The following IK variants were observed in gnomAD, a reference collection of about 807,000 sequenced individuals.
IK encodes the protein protein Red.
A neutral mutation model predicts 90.9 loss-of-function variants in IK; 47 were observed. The ratio of observed to expected loss-of-function variants is 0.52; its 90% CI spans 0.41 to 0.66. The LOEUF (loss-of-function observed/expected upper bound fraction) is 0.66, where lower values mean the gene tolerates loss of function less well. Among genes scored for constraint, IK ranks in the 30% least tolerant of loss-of-function variants. The probability of loss-of-function intolerance (pLI) is 0.00; values close to 1 mark genes in which losing one functional copy is unlikely to be tolerated. For synonymous variants in IK, 201 were observed against 227.5 expected (o/e 0.88, Z 1.05); for missense variants, 385 against 709.3 (o/e 0.54, Z 5.19).
chr5:140,662,394 CCAAAGGTTG>C lies in IK; in HGVS notation c.*69_*77del. On this transcript the variant is annotated 3_prime_UTR_variant, in exon 20 of 20. Coordinates refer to ENST00000417647, the MANE Select transcript of IK (RefSeq NM_006083.4). ...CCCCACTGTTTTCTTTCTACAATTT[CCAAAGGTTG>C]CAAGATGTTTTTTTGTGGATGAATA... 1 of 1,542,172 alleles carries C rather than the reference CCAAAGGTTG, an allele frequency of 6.5e-7. No individual in the cohort carries two copies.
chr5:140,655,697 T>C (rs1757697518), intron 8 of IK, 132 bp from the exon 9 acceptor site: 6 of 792,456 alleles, frequency 7.6e-6, no homozygotes, highest in East Asian at 2.7e-5. Context: ...ATCCACTTCA[T>C]AGGGCTGTTG....
intron 10 of IK, among the ~76,000 whole-genome samples, chr5:140,658,119 C>T (rs1757739956): frequency 6.6e-6 from 1 of 151,992 alleles, no homozygotes; most frequent in Non-Finnish European, 1.5e-5. Context: ...TCTGCCTCAG[C>T]CTCCCAAGTA....
intron 9 of IK, among the ~76,000 whole-genome samples, chr5:140,657,039 G>T (rs1479723268): frequency 6.6e-6 from 1 of 151,978 alleles, no homozygotes; most frequent in Non-Finnish European, 1.5e-5. Context: ...TGTAAAACCT[G>T]ATCTCTACTA....
At chr5:140,654,976 ATTTT>A (rs58326545) in intron 8 of IK, among the ~76,000 whole-genome samples, 1 of 149,812 alleles carries the variant, frequency 6.7e-6, no homozygotes, top group African/African-American at 2.5e-5. Context: ...TACCTAGCTA[ATTTT>A]TTTTTTTATT....
At chr5:140,659,908 C>G (rs1378821961) in intron 14 of IK, 74 bp downstream of exon 14, 27 of 1,076,706 alleles carry the variant, frequency 2.5e-5, no homozygotes, top group Non-Finnish European at 3.4e-5. Flanking sequence ...TGCCTCCCTG[C>G]TCCCTCCTAC....
At chr5:140,651,438 T>TA (rs79493817) in intron 2 of IK, among the ~76,000 whole-genome samples, 1,661 of 111,920 alleles carry the variant, frequency 0.015, 30 homozygotes, top group African/African-American at 0.045. Context: ...GACTCTGTCT[T>TA]AAAAAAAAAA....
chr5:140,648,237 A>G (rs1219349399), intron 1 of IK: 19 of 704,264 alleles, frequency 2.7e-5, no homozygotes, highest in Admixed American at 2.0e-4. Context: ...TTTACGTAGT[A>G]TTTTAGACGT....
intron 4 of IK, 74 bp downstream of exon 4, chr5:140,652,221 A>T: frequency 8.7e-7 from 1 of 1,143,688 alleles, no homozygotes; most frequent in Non-Finnish European, 1.3e-6. Context: ...GCTAATTATG[A>T]AGCTAGAAAC....
Position 140,662,345 on chromosome 5 carries a change from A to G in IK, c.*16A>G, listed in dbSNP as rs748833780. 7.4e-6 allele frequency: 12 copies of G among 1,613,402 alleles called. No individual in the cohort carries two copies. In the South Asian group the frequency reaches 1.3e-4, roughly 18 times the overall value. ...AAAATACTAATCACTAGTTACAACC[A>G]GAGATGCTCCACAAGGATATGCTCC... On this transcript the variant is annotated 3_prime_UTR_variant, in exon 20 of 20. Coordinates refer to ENST00000417647, the MANE Select transcript of IK (RefSeq NM_006083.4).
Position 140,657,752 on chromosome 5 carries a change from A to G in IK, c.910+90A>G, listed in dbSNP as rs1223865295. 5 of 784,978 alleles carry G rather than the reference A, an allele frequency of 6.4e-6. No homozygotes were observed. The East Asian group carries it at 1.2e-4, about 19-fold the overall frequency. The allele number at this position is 784,978 out of a possible 1,614,324, so 48.6% of individuals were successfully genotyped here. ...TCCTGGAGCTTTCTGTCTCCAGAAT[A>G]TTGAGAGGCTCCTGGGAAGCAGAGA... is the stretch of plus-strand genomic sequence containing the variant. On this transcript the variant is annotated intron_variant, in intron 10 of 19. Coordinates refer to ENST00000417647, the MANE Select transcript of IK (RefSeq NM_006083.4).
At chr5:140,652,206 T>A in intron 4 of IK, 59 bp downstream of exon 4, 1 of 1,260,434 alleles carries the variant, frequency 7.9e-7, no homozygotes, top group Non-Finnish European at 1.2e-6. Flanking sequence ...GGGAAAGAAG[T>A]AGGGGCTAAT....
At chr5:140,660,499 T>C in intron 15 of IK, 1 of 540,446 alleles carries the variant, frequency 1.9e-6, no homozygotes, top group Non-Finnish European at 3.3e-6. Flanking sequence ...GGTTTCACCA[T>C]GTTGGTGAGG....
chr5:140,655,182 A>G (rs1757689982), intron 8 of IK, among the ~76,000 whole-genome samples: 1 of 152,148 alleles, frequency 6.6e-6, no homozygotes, highest in Non-Finnish European at 1.5e-5. Flanking sequence ...ATGTCTCCTC[A>G]GGTAGATTGA....
At chr5:140,654,369 T>C (rs1757670404) in intron 6 of IK, 147 bp from the exon 7 acceptor site, 1 of 680,046 alleles carries the variant, frequency 1.5e-6, no homozygotes, top group South Asian at 1.9e-5. Flanking sequence ...TTAATTTGTC[T>C]GTCTCATCTG....
intron 5 of IK, 135 bp downstream of exon 5, chr5:140,653,279 G>A: frequency 1.5e-6 from 1 of 662,518 alleles, no homozygotes; most frequent in South Asian, 2.3e-5. Context: ...ACCCACAAAG[G>A]GCTGTTCTTT....
intron 9 of IK, 69 bp from the exon 10 acceptor site, chr5:140,657,485 G>C: frequency 9.3e-7 from 1 of 1,074,710 alleles, no homozygotes; most frequent in Non-Finnish European, 1.4e-6. Context: ...AGTTTGTTAA[G>C]TGAATGAATG....
chr5:140,661,586 TCCTTCC>T lies in IK; in HGVS notation c.1414-31_1414-26del. 6.8e-7 allele frequency: 1 copy of T among 1,467,780 alleles called. No homozygotes were observed. Among genetic ancestry groups the T allele is most frequent in the Non-Finnish European group, 9.4e-7 (1 of 1,063,438 alleles). The allele number at this position is 1,467,780 out of a possible 1,614,324, so 90.9% of individuals were successfully genotyped here. A position where few individuals can be genotyped will look rare whatever the true frequency, so the allele number is the denominator to read the frequency against. ...AAATTCCATTTCCACTGACATCTCT[TCCTTCC>T]CCATCCCCCGATTCTGTCCTGCAAC... On this transcript the variant is annotated intron_variant, in intron 16 of 19. Coordinates refer to ENST00000417647, the MANE Select transcript of IK (RefSeq NM_006083.4). The surrounding 1 kb of genome is among the most constrained non-coding windows in gnomAD (Gnocchi z 4.2).
chr5:140,654,599 T>G lies in IK; in HGVS notation c.590+13T>G. On this transcript the variant is annotated intron_variant, in intron 7 of 19. Coordinates refer to ENST00000417647, the MANE Select transcript of IK (RefSeq NM_006083.4). ...AGAAAGAAACCAAGTAAGTAAATATTATGGAAAGGTTGAGAATTTAGAAAG... is the reference window on the plus strand; with the variant it reads ...AGAAAGAAACCAAGTAAGTAAATATGATGGAAAGGTTGAGAATTTAGAAAG... 6.3e-7 allele frequency: 1 copy of G among 1,586,362 alleles called. No individual in the cohort carries two copies.
chr5:140,652,886 T>G, intron 4 of IK, 91 bp from the exon 5 acceptor site: 5 of 1,148,604 alleles, frequency 4.4e-6, no homozygotes, highest in Non-Finnish European at 6.3e-6. Context: ...AGAGAGTAGG[T>G]TGGAGATGTA....
Sources: allele counts gnomAD v4.1 joint callset (sites outside exome capture counted in the v4.1 genomes callset), GRCh38; gene constraint gnomAD v4.1.1; non-coding constraint Gnocchi (gnomAD v3.1); transcripts MANE v1.5; gene names NCBI Gene and HGNC (gene_info 2026-07-23, HGNC 2026-07-21).